Variants in MEI4 observed in about 807,000 individuals in gnomAD.
The protein encoded by MEI4 is meiotic double-stranded break formation protein 4, also known as meiosis-specific protein MEI4.
A neutral mutation model predicts 31.4 loss-of-function variants in MEI4; 27 were observed. The ratio of observed to expected loss-of-function variants is 0.86; its 90% CI spans 0.63 to 1.19. MEI4 has a LOEUF of 1.19. MEI4 is among the 50% of genes most tolerant of loss of function. The probability of loss-of-function intolerance (pLI) is 0.00; values close to 1 mark genes in which losing one functional copy is unlikely to be tolerated. For missense variants in MEI4, 329 were observed against 398.9 expected (o/e 0.82, Z 1.49); for synonymous variants, 122 against 145.4 (o/e 0.84, Z 1.16).
At position 77,734,059 on chromosome 6, in the gene MEI4, G is replaced by A. The variant is rs960106536; in HGVS notation, c.233-27071G>A. Among the ~76,000 whole-genome samples the A allele has an allele frequency of 1.6e-4, 25 of 152,016 alleles. 1 individual carries two copies. The highest frequency in any genetic ancestry group is 1.2e-3 in the South Asian group (6 of 4,816). ...AGCTTTACTTCCAAGTATGTGGTCAGTTTTGGAATAGGTGTGGTGTGGTGC... is the reference window on the plus strand; with the variant it reads ...AGCTTTACTTCCAAGTATGTGGTCAATTTTGGAATAGGTGTGGTGTGGTGC... On this transcript the variant is annotated intron_variant, in intron 2 of 4. Transcript: ENST00000684080.
At chr6:77,900,615 G>A (rs1282032816) in intron 4 of MEI4, among the ~76,000 whole-genome samples, 2 of 151,950 alleles carry the variant, frequency 1.3e-5, no homozygotes, top group African/African-American at 2.4e-5. Flanking sequence ...CATGGCATCT[G>A]TGATAGGTAC....
chr6:77,703,170 G>C lies in MEI4; in HGVS notation c.232+12267G>C, dbSNP rs556917886. On this transcript the variant is annotated intron_variant, in intron 2 of 4. Transcript: ENST00000684080. Reference sequence around the variant, plus strand: ...GGGACATGTTCGGTGGTTATTTGGTGAATAAATAAGTTTAGAAATGGTCTA... The same window carrying C: ...GGGACATGTTCGGTGGTTATTTGGTCAATAAATAAGTTTAGAAATGGTCTA... Among the ~76,000 whole-genome samples the C allele has an allele frequency of 5.3e-5, 8 of 152,250 alleles. No homozygotes were observed. The East Asian group carries it at 7.7e-4, about 15-fold the overall frequency.
At chr6:77,703,769 T>C (rs1766272176) in intron 2 of MEI4, among the ~76,000 whole-genome samples, 1 of 152,090 alleles carries the variant, frequency 6.6e-6, no homozygotes, top group Non-Finnish European at 1.5e-5. Flanking sequence ...AAATGTATAG[T>C]GTAATATCAA....
intron 4 of MEI4, among the ~76,000 whole-genome samples, chr6:77,902,093 T>G (rs562343444): frequency 3.3e-5 from 5 of 152,246 alleles, no homozygotes; most frequent in Non-Finnish European, 1.5e-5. Flanking sequence ...ACCATACTGT[T>G]TTGATTATTA....
Position 77,717,036 on chromosome 6 carries a change from T to C in MEI4, c.232+26133T>C, listed in dbSNP as rs1190541057. Among the ~76,000 whole-genome samples the C allele has an allele frequency of 7.4e-5, 11 of 147,662 alleles. No individual in the cohort carries two copies. The East Asian group carries it at 1.8e-3, about 25-fold the overall frequency. On this transcript the variant is annotated intron_variant, in intron 2 of 4. Coordinates refer to ENST00000684080, the MANE Select transcript of MEI4 (RefSeq NM_001322247.2). The stretch of plus-strand genomic sequence containing the variant: ...AAGAAAAAGACACAGAGACAAAGTA[T>C]AGAGAAAGAAATAAGGGGACCCGGG...
chr6:77,825,982 T>C (rs898508375), intron 3 of MEI4, among the ~76,000 whole-genome samples: 3 of 152,196 alleles, frequency 2.0e-5, no homozygotes, highest in African/African-American at 7.2e-5. Context: ...GCATCATATA[T>C]TGGCCATTGG....
intron 4 of MEI4, among the ~76,000 whole-genome samples, chr6:77,916,510 G>A (rs530712428): frequency 2.9e-4 from 44 of 152,106 alleles, no homozygotes; most frequent in African/African-American, 1.0e-3. Context: ...CATGCATTGT[G>A]TGGTCTTCTT....
chr6:77,816,423 T>G (rs1769691231), intron 3 of MEI4, among the ~76,000 whole-genome samples: 4 of 152,150 alleles, frequency 2.6e-5, no homozygotes, highest in Admixed American at 2.6e-4. Context: ...GTAGGAGGAC[T>G]GGGATTTAGT....
rs181108885 is a variant in MEI4, at chr6:77,864,682, A to C, written c.900+35620A>C. On this transcript the variant is annotated intron_variant, in intron 4 of 4. Transcript: ENST00000684080. ...CATTAGACAGATCAATGAGACAGAA[A>C]GTTAACAAGGATATCCAGGAATTGA... Among the ~76,000 whole-genome samples, 457 of 152,330 alleles carry C rather than the reference A, an allele frequency of 3.0e-3. 4 individuals carry two copies. Among genetic ancestry groups the C allele is most frequent in the Middle Eastern group, 0.024 (7 of 294 alleles).
chr6:77,745,365 C>G lies in MEI4; in HGVS notation c.233-15765C>G, dbSNP rs200679458. 1.4e-3 allele frequency among the ~76,000 whole-genome samples: 210 copies of G among 152,112 alleles called. 1 individual carries two copies. The highest frequency in any genetic ancestry group is 4.2e-3 in the African/African-American group (176 of 41,500). On this transcript the variant is annotated intron_variant, in intron 2 of 4. Coordinates refer to ENST00000684080, the MANE Select transcript of MEI4 (RefSeq NM_001322247.2). ...CTTTAAACCAACAAAGATCAAAAGA[C>G]ACAAAGAAGGCCATTACATAATGGT...
chr6:77,713,791 C>A (rs138634285), intron 2 of MEI4, among the ~76,000 whole-genome samples: 1 of 152,212 alleles, frequency 6.6e-6, no homozygotes, highest in East Asian at 1.9e-4. Context: ...TTTCAGTGTT[C>A]TTCCCCTTCC....
chr6:77,832,345 T>C (rs927009821), intron 4 of MEI4, among the ~76,000 whole-genome samples: 2 of 151,986 alleles, frequency 1.3e-5, no homozygotes, highest in African/African-American at 4.8e-5. Flanking sequence ...AATGATTGTG[T>C]ATGTATATAT....
At chr6:77,784,793 C>T (rs1768690085) in intron 3 of MEI4, among the ~76,000 whole-genome samples, 1 of 152,116 alleles carries the variant, frequency 6.6e-6, no homozygotes, top group South Asian at 2.1e-4. Context: ...ATAATTTCTC[C>T]TTTTATATCC....
upstream of MEI4, among the ~76,000 whole-genome samples, chr6:77,650,836 T>A (rs1322304117): frequency 1.3e-5 from 2 of 152,114 alleles, no homozygotes; most frequent in Admixed American, 6.5e-5. Flanking sequence ...TGCCAGAGTC[T>A]GAGCATGTTC....
At chr6:77,742,094 C>T (rs1350710502) in intron 2 of MEI4, among the ~76,000 whole-genome samples, 1 of 152,058 alleles carries the variant, frequency 6.6e-6, no homozygotes, top group African/African-American at 2.4e-5. Flanking sequence ...GTGCATGTGT[C>T]TTTATAGCAG....
At chr6:77,881,764 A>G (rs751801091) in intron 4 of MEI4, among the ~76,000 whole-genome samples, 1 of 152,244 alleles carries the variant, frequency 6.6e-6, no homozygotes, top group African/African-American at 2.4e-5. Flanking sequence ...ATCAAGGGGT[A>G]GCTAATTGAA....
chr6:77,856,660 C>T (rs1289400737), intron 4 of MEI4, among the ~76,000 whole-genome samples: 1 of 152,190 alleles, frequency 6.6e-6, no homozygotes, highest in East Asian at 1.9e-4. Flanking sequence ...GTGTAAATTG[C>T]AAGAGCGTGG....
At chr6:77,916,282 C>T (rs539075192) in intron 4 of MEI4, among the ~76,000 whole-genome samples, 2 of 151,776 alleles carry the variant, frequency 1.3e-5, no homozygotes, top group South Asian at 2.1e-4. Context: ...TAAATTGTTG[C>T]TGGAGAATTA....
chr6:77,691,141 A>G (rs1489575792), intron 2 of MEI4, among the ~76,000 whole-genome samples: 1 of 152,084 alleles, frequency 6.6e-6, no homozygotes, highest in Non-Finnish European at 1.5e-5. Context: ...TGAAGGCAAT[A>G]AGGTCTTTTA....
Sources: gnomAD v4.1 joint callset for allele counts (sites outside exome capture counted in the v4.1 genomes callset) on GRCh38, gnomAD v4.1.1 for gene constraint, MANE v1.5 for transcripts, NCBI Gene and HGNC (gene_info 2026-07-23, HGNC 2026-07-21) for gene names.